The following SGCD variants were observed in gnomAD, a reference collection of about 807,000 sequenced individuals.
SGCD encodes the protein delta-sarcoglycan.
A neutral mutation model predicts 36.6 loss-of-function variants in SGCD; 18 were observed. That is an observed-to-expected ratio of 0.49 (90% CI 0.34 to 0.73). SGCD has a LOEUF of 0.73. SGCD is among the 30% of genes least tolerant of loss of function. The probability of loss-of-function intolerance (pLI) is 0.01; values close to 1 mark genes in which losing one functional copy is unlikely to be tolerated. For missense variants in SGCD, 387 were observed against 346.7 expected, an observed-to-expected ratio of 1.12 and a Z score of -0.92; for synonymous variants, 133 against 130.6, an observed-to-expected ratio of 1.02 and a Z score of -0.12.
At chr5:156,328,397 T>C (rs1463738607) in intron 1 of SGCD, among the ~76,000 whole-genome samples, 1 of 152,190 alleles carries the variant, frequency 6.6e-6, no homozygotes. Context: ...ATGAATGGAA[T>C]CTTGGATACT....
the SGCD span, among the ~76,000 whole-genome samples, chr5:155,734,437 CCT>C: frequency 6.6e-6 from 1 of 151,962 alleles, no homozygotes; most frequent in Non-Finnish European, 1.5e-5. Context: ...GTCTCAAACT[CCT>C]GAGCTCAAGC....
At chr5:156,160,279 C>A (rs1443834679) in intron 3 of SGCD, among the ~76,000 whole-genome samples, 1 of 151,474 alleles carries the variant, frequency 6.6e-6, no homozygotes, top group Non-Finnish European at 1.5e-5. Context: ...TATATCAGCA[C>A]AAAGATCTCT....
intron 3 of SGCD, among the ~76,000 whole-genome samples, chr5:156,242,522 T>C (rs57499459): frequency 0.052 from 7,883 of 152,302 alleles, 478 homozygotes; most frequent in African/African-American, 0.15. Flanking sequence ...TAGTTAGTTA[T>C]ATTAATGTCA....
In SGCD at chr5:156,410,177, G is replaced by A. The variant is rs1004873875; in HGVS notation, c.192+65500G>A. On this transcript the variant is annotated intron_variant, in intron 3 of 8. Transcript: ENST00000337851. ...CAGTGGATTGGATAAAGAAAATATG[G>A]TATATATACACCATGGAATACTACA... Among the ~76,000 whole-genome samples the A allele has an allele frequency of 3.3e-5, 5 of 152,112 alleles. No individual in the cohort carries two copies. The South Asian group carries it at 6.2e-4, about 19-fold the overall frequency.
intron 1 of SGCD, among the ~76,000 whole-genome samples, chr5:156,007,056 A>G (rs911181780): frequency 6.6e-5 from 10 of 152,210 alleles, no homozygotes; most frequent in African/African-American, 2.4e-4. Context: ...GTTCATCAGT[A>G]GCCTCTATTC....
chr5:156,152,602 C>T (rs1301530950), intron 3 of SGCD, among the ~76,000 whole-genome samples: 1 of 151,626 alleles, frequency 6.6e-6, no homozygotes, highest in Non-Finnish European at 1.5e-5. Flanking sequence ...ATGTTGCATA[C>T]TTCACCCATT....
chr5:156,727,810 C>A (rs1755853475), intron 7 of SGCD, among the ~76,000 whole-genome samples: 1 of 152,096 alleles, frequency 6.6e-6, no homozygotes, highest in Admixed American at 6.5e-5. Flanking sequence ...ACTGGGTTTC[C>A]CTTGATAAAT....
At chr5:155,997,614 G>A (rs779802913) in intron 1 of SGCD, among the ~76,000 whole-genome samples, 6 of 152,242 alleles carry the variant, frequency 3.9e-5, no homozygotes, top group Non-Finnish European at 8.8e-5. Context: ...TTTTGCCAGA[G>A]AATTTGTTCT....
chr5:156,571,827 A>G (rs1391361859), intron 4 of SGCD, among the ~76,000 whole-genome samples: 1 of 152,218 alleles, frequency 6.6e-6, no homozygotes, highest in Non-Finnish European at 1.5e-5. Context: ...TACATTTATA[A>G]TGTTGCACAA....
At chr5:156,501,060 C>T (rs1561738229) in intron 3 of SGCD, among the ~76,000 whole-genome samples, 1 of 152,182 alleles carries the variant, frequency 6.6e-6, no homozygotes, top group African/African-American at 2.4e-5. Flanking sequence ...AGAAGGGAAA[C>T]TTTGGCGAGG....
At chr5:155,882,244 T>C (rs543822199) in intron 1 of SGCD, among the ~76,000 whole-genome samples, 255 of 152,086 alleles carry the variant, frequency 1.7e-3, no homozygotes, top group African/African-American at 5.9e-3. Flanking sequence ...CCTGACTTTT[T>C]TTTAAAAAAC....
chr5:156,552,534 C>T (rs1467942772), intron 4 of SGCD, among the ~76,000 whole-genome samples: 1 of 152,074 alleles, frequency 6.6e-6, no homozygotes, highest in Non-Finnish European at 1.5e-5. Flanking sequence ...GAGGCGAGTC[C>T]AAACAGAAGA....
At chr5:156,113,534 A>AT (rs1001387792) in intron 1 of SGCD, among the ~76,000 whole-genome samples, 1 of 152,114 alleles carries the variant, frequency 6.6e-6, no homozygotes, top group African/African-American at 2.4e-5. Context: ...TTTGTGTGTG[A>AT]TTTTCACTTA....
rs1228453283 is a variant in SGCD at position 156,760,137 on chromosome 5, T to A, written c.*747T>A. 1 of 152,160 alleles carries A rather than the reference T, an allele frequency of 6.6e-6. No homozygotes were observed. The highest frequency in any genetic ancestry group is 1.9e-4 in the East Asian group (1 of 5,198). The allele number at this position is 152,160 out of a possible 1,614,324, so 9.4% of individuals were successfully genotyped here. On this transcript the variant is annotated 3_prime_UTR_variant, in exon 9 of 9. Transcript: ENST00000337851. ...CTACAGTCAAATTAGGAGCTGTAAA[T>A]CAGCACAAAATAAGATAACAGCTGT...
intron 3 of SGCD, among the ~76,000 whole-genome samples, chr5:156,456,027 G>A (rs1380143448): frequency 2.0e-5 from 3 of 152,166 alleles, no homozygotes; most frequent in Non-Finnish European, 4.4e-5. Context: ...CAGACCTCCA[G>A]TCCCCAAAAC....
At chr5:156,715,701 C>T (rs1453258250) in intron 7 of SGCD, among the ~76,000 whole-genome samples, 7 of 152,218 alleles carry the variant, frequency 4.6e-5, no homozygotes, top group African/African-American at 1.7e-4. Context: ...GGTTAATTAA[C>T]CTGCCTGGGC....
At chr5:156,341,092 C>T (rs1227670531) in intron 2 of SGCD, among the ~76,000 whole-genome samples, 1 of 152,106 alleles carries the variant, frequency 6.6e-6, no homozygotes, top group Non-Finnish European at 1.5e-5. Context: ...AGATGACATG[C>T]AATAAGCCAC....
chr5:156,681,697 T>C (rs1753729329), intron 7 of SGCD, among the ~76,000 whole-genome samples: 1 of 152,198 alleles, frequency 6.6e-6, no homozygotes, highest in South Asian at 2.1e-4. Flanking sequence ...GAGTCTAGAA[T>C]GTCATGCCAA....
intron 3 of SGCD, among the ~76,000 whole-genome samples, chr5:156,412,060 G>A (rs546075869): frequency 3.5e-4 from 54 of 152,332 alleles, no homozygotes; most frequent in Middle Eastern, 3.4e-3. Context: ...ATAATTTTTA[G>A]TCGTGCATTC....
Sources: gnomAD v4.1 joint callset for allele counts (sites outside exome capture counted in the v4.1 genomes callset) on GRCh38, gnomAD v4.1.1 for gene constraint, MANE v1.5 for transcripts, NCBI Gene and HGNC (gene_info 2026-07-23, HGNC 2026-07-21) for gene names.